STPG1: variants seen among roughly 807,000 people sequenced by gnomAD.
STPG1 encodes O(6)-methylguanine-induced apoptosis 2.
In STPG1, 33 loss-of-function variants were observed where a neutral mutation model predicts 40.1. The ratio of observed to expected loss-of-function variants is 0.82; its 90% CI spans 0.62 to 1.10. The LOEUF is 1.10. Ranked by LOEUF, STPG1 falls within the 50% of genes least tolerant of loss-of-function variation. The pLI is 0.00. For synonymous variants in STPG1, 150 were observed against 155.0 expected (o/e 0.97, Z 0.24); for missense variants, 396 against 415.1 (o/e 0.95, Z 0.40).
chr1:24,410,531 C>T (rs1570113312), intron 1 of STPG1, among the ~76,000 whole-genome samples: 1 of 152,218 alleles, frequency 6.6e-6, no homozygotes, highest in African/African-American at 2.4e-5. Flanking sequence ...ATCGCTTGAA[C>T]CCAGGAGGTG....
chr1:24,412,734 T>C (rs552612979), intron 1 of STPG1, among the ~76,000 whole-genome samples: 4 of 152,320 alleles, frequency 2.6e-5, no homozygotes, highest in African/African-American at 4.8e-5. Flanking sequence ...TTAAAATTAG[T>C]ATTTTCTTCA....
chr1:24,410,486 G>A (rs1322415195), intron 1 of STPG1, among the ~76,000 whole-genome samples: 1 of 152,136 alleles, frequency 6.6e-6, no homozygotes, highest in Non-Finnish European at 1.5e-5. Context: ...GCGTGCACCT[G>A]TAGTCCCAGC....
At chr1:24,402,758 C>CAA (rs973963915) in intron 1 of STPG1, among the ~76,000 whole-genome samples, 2 of 135,036 alleles carry the variant, frequency 1.5e-5, no homozygotes, top group African/African-American at 5.9e-5. Context: ...AAAAAAAAAA[C>CAA]AAAAAAAAAC....
In STPG1 at chr1:24,358,309, C is replaced by T; in HGVS notation, c.*234G>A. The T allele has an allele frequency of 1.5e-6, 1 of 677,202 alleles. No individual in the cohort carries two copies. The highest frequency in any genetic ancestry group is 2.7e-6 in the Non-Finnish European group (1 of 368,738). The allele number at this position is 677,202 out of a possible 1,614,324, so 41.9% of individuals were successfully genotyped here. On this transcript the variant is annotated 3_prime_UTR_variant, in exon 9 of 9. Transcript: ENST00000337248. Reference sequence around the variant, plus strand: ...GCTCTGTCCACTCCTCCCTTCTGCTCAGGAAGCCACTGGAGTCTGTGGGGC... The same window carrying T: ...GCTCTGTCCACTCCTCCCTTCTGCTTAGGAAGCCACTGGAGTCTGTGGGGC...
chr1:24,398,051 T>C (rs1643078436), intron 2 of STPG1, among the ~76,000 whole-genome samples: 1 of 152,140 alleles, frequency 6.6e-6, no homozygotes, highest in Non-Finnish European at 1.5e-5. Context: ...ATCCCCACTA[T>C]TAGCGTATGA....
rs1207344128 is a variant in STPG1 at position 24,373,808 on chromosome 1, G to T, written c.465C>A (p.Ala155=). 1.9e-6 allele frequency: 3 copies of T among 1,600,292 alleles called. No homozygotes were observed. The highest frequency in any genetic ancestry group is 8.6e-7 in the Non-Finnish European group (1 of 1,168,114). ...FETPAPNYYN[A]SVSCCKQRNN... ...TTCTCTGCTTGCAGCAAGAGACAGA[G>T]GCCTAGGGGGAGAAAATACACCCAA... The change falls in exon 6 of 9, where the codon GCC becomes GCA. Residue 155 remains alanine (A), a splice_region_variant and synonymous_variant. Transcript: ENST00000337248.
At chr1:24,386,914 C>T (rs940247427) in intron 3 of STPG1, among the ~76,000 whole-genome samples, 1 of 152,246 alleles carries the variant, frequency 6.6e-6, no homozygotes, top group Non-Finnish European at 1.5e-5. Context: ...GCCCTACCCA[C>T]TGTCTCCTTT....
intron 5 of STPG1, among the ~76,000 whole-genome samples, chr1:24,374,135 T>C (rs374042599): frequency 1.3e-5 from 2 of 152,038 alleles, no homozygotes; most frequent in East Asian, 3.9e-4. Context: ...GTAACCTCTC[T>C]GAAACCCAGT....
At chr1:24,369,613 A>G (rs1641635948) in intron 7 of STPG1, 61 bp downstream of exon 7, 4 of 1,525,120 alleles carry the variant, frequency 2.6e-6, no homozygotes, top group East Asian at 2.3e-5. Flanking sequence ...CCTTTTCTCT[A>G]TGTTGGGCTT....
intron 6 of STPG1, among the ~76,000 whole-genome samples, chr1:24,370,751 A>G (rs1301569844): frequency 2.0e-5 from 3 of 151,688 alleles, no homozygotes; most frequent in Non-Finnish European, 2.9e-5. Context: ...TCGGCCTCCC[A>G]AAGTGCTGGG....
At chr1:24,395,982 C>CAAA (rs58022759) in intron 2 of STPG1, among the ~76,000 whole-genome samples, 3 of 145,954 alleles carry the variant, frequency 2.1e-5, no homozygotes, top group African/African-American at 5.1e-5. Context: ...GGCTCCATCT[C>CAAA]AAAAAAAAAA....
chr1:24,393,532 G>C (rs987738331), intron 2 of STPG1, among the ~76,000 whole-genome samples: 4 of 152,092 alleles, frequency 2.6e-5, no homozygotes, highest in Non-Finnish European at 4.4e-5. Context: ...ATTTAAAAAA[G>C]GTTAAAGGAA....
At chr1:24,365,967 C>T (rs1264435039) in intron 7 of STPG1, among the ~76,000 whole-genome samples, 2 of 152,192 alleles carry the variant, frequency 1.3e-5, no homozygotes, top group East Asian at 3.8e-4. Context: ...ATGGTGGCCT[C>T]CTGAGCTTTG....
At chr1:24,386,567 G>A (rs540468462) in intron 3 of STPG1, among the ~76,000 whole-genome samples, 1 of 151,870 alleles carries the variant, frequency 6.6e-6, no homozygotes, top group East Asian at 1.9e-4. Flanking sequence ...GAGGGTAAAT[G>A]GTGGTTGACC....
chr1:24,367,191 G>T (rs1226782510), intron 7 of STPG1, among the ~76,000 whole-genome samples: 3 of 152,194 alleles, frequency 2.0e-5, no homozygotes, highest in Non-Finnish European at 4.4e-5. Flanking sequence ...GTTGGCTGGA[G>T]GCGTGGTGTC....
intron 2 of STPG1, among the ~76,000 whole-genome samples, chr1:24,396,816 G>A (rs1643024485): frequency 6.6e-6 from 1 of 152,040 alleles, no homozygotes; most frequent in Non-Finnish European, 1.5e-5. Context: ...GTCACAAGAT[G>A]ATAGACTTAA....
chr1:24,371,903 C>T (rs1432760914), intron 6 of STPG1, among the ~76,000 whole-genome samples: 2 of 151,966 alleles, frequency 1.3e-5, no homozygotes, highest in African/African-American at 2.4e-5. Context: ...TGGGGCTGGG[C>T]GTGGTTGCTC....
At chr1:24,383,299 T>A (rs1428698924) in intron 4 of STPG1, among the ~76,000 whole-genome samples, 1 of 152,206 alleles carries the variant, frequency 6.6e-6, no homozygotes, top group Non-Finnish European at 1.5e-5. Context: ...ATTTATCTAT[T>A]TTGCTGTATC....
At chr1:24,401,186 C>A in intron 2 of STPG1, 133 bp downstream of exon 2, 1 of 662,492 alleles carries the variant, frequency 1.5e-6, no homozygotes, top group South Asian at 2.0e-5. Context: ...GGCCTAAAGC[C>A]ACCTATTTGG....
Sources: allele counts gnomAD v4.1 joint callset (sites outside exome capture counted in the v4.1 genomes callset), GRCh38; gene constraint gnomAD v4.1.1; transcripts MANE v1.5; gene names NCBI Gene and HGNC (gene_info 2026-07-23, HGNC 2026-07-21).